The following PRR16 variants were observed in gnomAD, a reference collection of about 807,000 sequenced individuals.
PRR16 encodes the protein proline rich 16.
Under a neutral mutation model 18.2 loss-of-function variants are expected in PRR16, and 6 were observed. That is an observed-to-expected ratio of 0.33 (90% CI 0.18 to 0.65). The LOEUF is 0.65. Among genes scored for constraint, PRR16 ranks in the 30% least tolerant of loss-of-function variants. PRR16 has a pLI of 0.74. For synonymous variants in PRR16, 151 were observed against 147.8 expected (o/e 1.02, Z -0.16); for missense variants, 412 against 376.6 (o/e 1.09, Z -0.78).
At chr5:120,633,348 G>T (rs1288183076) in intron 1 of PRR16, among the ~76,000 whole-genome samples, 1 of 152,094 alleles carries the variant, frequency 6.6e-6, no homozygotes, top group Non-Finnish European at 1.5e-5. Context: ...ACAGCATGAT[G>T]AATAGAATAG....
the PRR16 span, among the ~76,000 whole-genome samples, chr5:120,732,628 G>A: frequency 1.8e-3 from 267 of 152,204 alleles, 1 homozygote; most frequent in African/African-American, 6.1e-3. Flanking sequence ...TACCCCATCT[G>A]GCAAAATTGG....
the PRR16 span, among the ~76,000 whole-genome samples, chr5:120,768,178 T>A: frequency 6.6e-6 from 1 of 151,838 alleles, no homozygotes; most frequent in Non-Finnish European, 1.5e-5. Context: ...CACTCAACCT[T>A]AATACATATT....
the PRR16 span, among the ~76,000 whole-genome samples, chr5:120,787,242 T>C: frequency 6.6e-6 from 1 of 150,716 alleles, no homozygotes; most frequent in Admixed American, 6.6e-5. Flanking sequence ...GTGTATTTTA[T>C]AACTAACAAT....
chr5:120,519,031 A>G (rs971729721), intron 1 of PRR16, among the ~76,000 whole-genome samples: 1 of 152,090 alleles, frequency 6.6e-6, no homozygotes, highest in Non-Finnish European at 1.5e-5. Context: ...TTTGGCGATA[A>G]ATAAGCCTAC....
At chr5:120,542,041 G>A (rs1315435919) in intron 1 of PRR16, among the ~76,000 whole-genome samples, 1 of 151,548 alleles carries the variant, frequency 6.6e-6, no homozygotes, top group Non-Finnish European at 1.5e-5. Context: ...TTTTCCTCTA[G>A]GTGTTACAAA....
intron 1 of PRR16, among the ~76,000 whole-genome samples, chr5:120,652,740 C>T (rs1258115173): frequency 6.6e-6 from 1 of 151,796 alleles, no homozygotes; most frequent in African/African-American, 2.4e-5. Context: ...TCAATGGGAT[C>T]GTGCAACAGA....
chr5:120,720,632 TGAG>T, the PRR16 span, among the ~76,000 whole-genome samples: 68 of 152,200 alleles, frequency 4.5e-4, no homozygotes, highest in Middle Eastern at 6.8e-3. Context: ...TACTTTTTGA[TGAG>T]GAGATTATAA....
chr5:120,662,872 T>C (rs1405223344), intron 1 of PRR16, among the ~76,000 whole-genome samples: 1 of 152,044 alleles, frequency 6.6e-6, no homozygotes, highest in Non-Finnish European at 1.5e-5. Context: ...TGGAGGACAA[T>C]CAAGGAATTT....
intron 1 of PRR16, among the ~76,000 whole-genome samples, chr5:120,606,075 G>A (rs988502362): frequency 6.6e-6 from 1 of 152,238 alleles, no homozygotes; most frequent in Non-Finnish European, 1.5e-5. Flanking sequence ...TGGTGTGGCA[G>A]TGGGGCATGT....
the PRR16 span, among the ~76,000 whole-genome samples, chr5:120,748,940 AC>A: frequency 1.3e-5 from 2 of 152,124 alleles, no homozygotes; most frequent in Non-Finnish European, 2.9e-5. Flanking sequence ...GCAATTTCTT[AC>A]ATTTGATTTT....
chr5:120,775,410 T>G, the PRR16 span, among the ~76,000 whole-genome samples: 1 of 152,114 alleles, frequency 6.6e-6, no homozygotes, highest in South Asian at 2.1e-4. Flanking sequence ...TTTCATGTGT[T>G]GTCCATTCTA....
the PRR16 span, among the ~76,000 whole-genome samples, chr5:120,775,956 A>C: frequency 1.3e-5 from 2 of 151,674 alleles, no homozygotes; most frequent in African/African-American, 4.8e-5. Flanking sequence ...CCTAAACTAT[A>C]AATCTAACCA....
intron 1 of PRR16, among the ~76,000 whole-genome samples, chr5:120,579,435 G>T (rs1042982806): frequency 1.3e-5 from 2 of 152,116 alleles, no homozygotes; most frequent in African/African-American, 4.8e-5. Context: ...TGTATAAGGT[G>T]TAAGGGAGGG....
intron 1 of PRR16, among the ~76,000 whole-genome samples, chr5:120,568,440 C>CT (rs1225648291): frequency 6.6e-6 from 1 of 152,118 alleles, no homozygotes; most frequent in African/African-American, 2.4e-5. Flanking sequence ...TGGGAAAGAT[C>CT]TTTCCTGAAA....
chr5:120,666,577 A>T (rs1466506218), intron 1 of PRR16, among the ~76,000 whole-genome samples: 10 of 152,082 alleles, frequency 6.6e-5, no homozygotes, highest in African/African-American at 2.4e-4. Context: ...CCCATTCAGT[A>T]TGATATTGGC....
chr5:120,675,007 GACTTACT>G (rs1292192951), intron 1 of PRR16, among the ~76,000 whole-genome samples: 1 of 151,760 alleles, frequency 6.6e-6, no homozygotes, highest in Non-Finnish European at 1.5e-5. Context: ...AGATTAATTA[GACTTACT>G]ACAAAGTTCT....
chr5:120,534,067 C>T (rs1330795478), intron 1 of PRR16, among the ~76,000 whole-genome samples: 2 of 152,066 alleles, frequency 1.3e-5, no homozygotes, highest in African/African-American at 4.8e-5. Flanking sequence ...CAGGTTTTAA[C>T]GGGTGGAGAT....
At chr5:120,784,611 C>A in the PRR16 span, among the ~76,000 whole-genome samples, 36 of 152,180 alleles carry the variant, frequency 2.4e-4, no homozygotes, top group Admixed American at 7.8e-4. Context: ...GCAAAAAAAT[C>A]TGAATAAAAA....
chr5:120,668,152 T>C, intron 1 of PRR16, among the ~76,000 whole-genome samples: 1 of 151,742 alleles, frequency 6.6e-6, no homozygotes. Flanking sequence ...ATTGGGTGCA[T>C]ATATATTTAG....
Sources: allele counts gnomAD v4.1 joint callset (sites outside exome capture counted in the v4.1 genomes callset), GRCh38; gene constraint gnomAD v4.1.1; transcripts MANE v1.5; gene names NCBI Gene and HGNC (gene_info 2026-07-23, HGNC 2026-07-21).